Variants in IL26 observed in about 807,000 individuals in gnomAD.
The protein encoded by IL26 is interleukin-26.
A neutral mutation model predicts 21.7 loss-of-function variants in IL26; 23 were observed. The ratio of observed to expected loss-of-function variants is 1.06; its 90% confidence interval spans 0.76 to 1.50. IL26 has a LOEUF of 1.50. Ranked by LOEUF, IL26 falls within the 40% of genes most tolerant of loss-of-function variation. The pLI, the probability that IL26 is intolerant of heterozygous loss-of-function variation, is 0.00. For synonymous variants in IL26, 63 were observed against 67.8 expected, an observed-to-expected ratio of 0.93 and a Z score of 0.34; for missense variants, 204 against 196.0, an observed-to-expected ratio of 1.04 and a Z score of -0.24.
chr12:68,225,341 C>T (rs1869210906), intron 2 of IL26, 58 bp from the exon 3 acceptor site: 7 of 1,559,682 alleles, frequency 4.5e-6, no homozygotes, highest in Non-Finnish European at 6.1e-6. Flanking sequence ...TTTTAATGTC[C>T]CCCGATCATT....
At chr12:68,215,380 A>G (rs1315803175) in intron 3 of IL26, among the ~76,000 whole-genome samples, 1 of 152,162 alleles carries the variant, frequency 6.6e-6, no homozygotes, top group Non-Finnish European at 1.5e-5. Context: ...CTATCTGCCC[A>G]AAATTTTTTC....
intron 3 of IL26, among the ~76,000 whole-genome samples, chr12:68,210,338 C>CAAAAAAAAAAAAAAAAAAAA (rs540693081): frequency 3.6e-4 from 8 of 22,096 alleles, no homozygotes; most frequent in Non-Finnish European, 5.1e-4. Flanking sequence ...ATCAGTTTGG[C>CAAAAAAAAAAAAAAAAAAAA]AAAAAAAAAA....
intron 3 of IL26, among the ~76,000 whole-genome samples, chr12:68,208,987 T>C (rs983538695): frequency 1.3e-5 from 2 of 152,208 alleles, no homozygotes; most frequent in Non-Finnish European, 2.9e-5. Context: ...TCTTAAAAAT[T>C]TGAAGCATGG....
chr12:68,207,636 G>T (rs1331446455), intron 3 of IL26, among the ~76,000 whole-genome samples: 1 of 152,098 alleles, frequency 6.6e-6, no homozygotes, highest in Non-Finnish European at 1.5e-5. Context: ...TTGGTAATGT[G>T]CAATTTACAT....
At chr12:68,223,885 T>TG (rs1462632281) in intron 3 of IL26, among the ~76,000 whole-genome samples, 15 of 77,158 alleles carry the variant, frequency 1.9e-4, no homozygotes, top group Admixed American at 5.8e-4. Flanking sequence ...AATTTGGTGG[T>TG]TTTTTTTTTT....
At chr12:68,220,531 A>T (rs1869016059) in intron 3 of IL26, among the ~76,000 whole-genome samples, 1 of 152,212 alleles carries the variant, frequency 6.6e-6, no homozygotes, top group Admixed American at 6.5e-5. Flanking sequence ...AAATTTTTTC[A>T]TGACCTTTGT....
At chr12:68,212,148 A>G (rs1001522724) in intron 3 of IL26, among the ~76,000 whole-genome samples, 3 of 152,058 alleles carry the variant, frequency 2.0e-5, no homozygotes, top group African/African-American at 7.2e-5. Context: ...CTTTCCCTCA[A>G]TGTATATTCT....
At chr12:68,216,769 A>C (rs1341583564) in intron 3 of IL26, among the ~76,000 whole-genome samples, 1 of 152,262 alleles carries the variant, frequency 6.6e-6, no homozygotes, top group Admixed American at 6.5e-5. Context: ...AATTTTTGCC[A>C]GACTTTAAAA....
intron 3 of IL26, among the ~76,000 whole-genome samples, chr12:68,207,070 A>G (rs1868564160): frequency 6.6e-6 from 1 of 152,196 alleles, no homozygotes; most frequent in Non-Finnish European, 1.5e-5. Flanking sequence ...CTACACCCAC[A>G]TGAAAGCTGC....
intron 3 of IL26, among the ~76,000 whole-genome samples, chr12:68,215,068 T>C (rs1039140701): frequency 1.3e-5 from 2 of 152,086 alleles, no homozygotes; most frequent in African/African-American, 4.8e-5. Flanking sequence ...ATATAACGAG[T>C]TATTTCAAAC....
At chr12:68,217,057 G>C (rs1592899455) in intron 3 of IL26, among the ~76,000 whole-genome samples, 2 of 136,962 alleles carry the variant, frequency 1.5e-5, no homozygotes, top group African/African-American at 4.9e-5. Flanking sequence ...GGCTAGGAAA[G>C]AGTATAAACA....
chr12:68,207,146 G>T (rs1565736530), intron 3 of IL26, among the ~76,000 whole-genome samples: 1 of 152,202 alleles, frequency 6.6e-6, no homozygotes, highest in African/African-American at 2.4e-5. Flanking sequence ...ACCTGCTGGT[G>T]TAGCTGTAGC....
At chr12:68,208,925 A>G (rs1032228382) in intron 3 of IL26, among the ~76,000 whole-genome samples, 3 of 152,188 alleles carry the variant, frequency 2.0e-5, no homozygotes, top group African/African-American at 2.4e-5. Context: ...TCAATCAACA[A>G]ATAAAATGCA....
chr12:68,209,179 C>T (rs771960911), intron 3 of IL26, among the ~76,000 whole-genome samples: 3 of 152,106 alleles, frequency 2.0e-5, no homozygotes, highest in Non-Finnish European at 2.9e-5. Flanking sequence ...GACCCAACAC[C>T]GGGTCGTGGG....
At position 68,201,736 on chromosome 12, in the gene IL26, C is replaced by G. The variant is rs1266113596; in HGVS notation, c.*109G>C. The G allele has an allele frequency of 1.4e-5, 9 of 625,966 alleles. No homozygotes were observed. The highest frequency in any genetic ancestry group is 2.4e-5 in the Non-Finnish European group (9 of 377,094). The allele number at this position is 625,966 out of a possible 1,614,324, so 38.8% of individuals were successfully genotyped here. ...TATTCTGAATCACCTAACATGCCGT[C>G]AGTATTATGTTAAAAAGTTTTTAAA... is the stretch of plus-strand genomic sequence containing the variant. On this transcript the variant is annotated 3_prime_UTR_variant, in exon 5 of 5. Coordinates refer to ENST00000229134, the MANE Select transcript of IL26 (RefSeq NM_018402.2).
intron 3 of IL26, among the ~76,000 whole-genome samples, chr12:68,223,984 C>T (rs1438276916): frequency 4.8e-5 from 7 of 144,732 alleles, no homozygotes; most frequent in East Asian, 4.0e-4. Context: ...ATTTGGGTTA[C>T]GGAGCACTTT....
At chr12:68,203,214 C>T (rs531054902) in intron 3 of IL26, among the ~76,000 whole-genome samples, 1 of 152,240 alleles carries the variant, frequency 6.6e-6, no homozygotes, top group East Asian at 1.9e-4. Flanking sequence ...AATTCTCAAA[C>T]CCTATCTGAG....
chr12:68,201,595 T>A lies in IL26; in HGVS notation c.*250A>T. 3.0e-6 allele frequency: 1 copy of A among 337,536 alleles called. No individual in the cohort carries two copies. Among genetic ancestry groups the A allele is most frequent in the Non-Finnish European group, 5.4e-6 (1 of 186,024 alleles). The allele number at this position is 337,536 out of a possible 1,614,324, so 20.9% of individuals were successfully genotyped here. ...CATACTTTAAATTAAGTTGACACAA[T>A]GTACTTGTGAATGACAAAACATGTT... On this transcript the variant is annotated 3_prime_UTR_variant, in exon 5 of 5. Transcript: ENST00000229134.
intron 3 of IL26, among the ~76,000 whole-genome samples, chr12:68,212,498 G>A (rs1868762406): frequency 6.6e-6 from 1 of 152,052 alleles, no homozygotes; most frequent in African/African-American, 2.4e-5. Context: ...TATTTTAGCA[G>A]TATTATTTCT....
Sources: gnomAD v4.1 joint callset for allele counts (sites outside exome capture counted in the v4.1 genomes callset) on GRCh38, gnomAD v4.1.1 for gene constraint, MANE v1.5 for transcripts, NCBI Gene and HGNC (gene_info 2026-07-23, HGNC 2026-07-21) for gene names.